GPC6: variants seen among roughly 807,000 people sequenced by gnomAD.
The protein encoded by GPC6 is glypican 6.
GPC6 carries 14 observed loss-of-function variants against 55.2 expected under a neutral mutation model. The observed-to-expected ratio is 0.25, with a 90% confidence interval of 0.17 to 0.40. The LOEUF is 0.40. Among genes scored for constraint, GPC6 ranks in the 10% least tolerant of loss-of-function variants. GPC6 has a pLI of 1.00. For synonymous variants in GPC6, 278 were observed against 259.6 expected, an observed-to-expected ratio of 1.07 and a Z score of -0.68; for missense variants, 641 against 708.5, an observed-to-expected ratio of 0.90 and a Z score of 1.08.
intron 3 of GPC6, among the ~76,000 whole-genome samples, chr13:93,911,268 C>G (rs998706555): frequency 6.6e-6 from 1 of 152,058 alleles, no homozygotes; most frequent in African/African-American, 2.4e-5. Context: ...TATGTATCTG[C>G]CAGACCTAAC....
At chr13:94,383,223 G>A (rs1880252309) in intron 7 of GPC6, among the ~76,000 whole-genome samples, 2 of 152,160 alleles carry the variant, frequency 1.3e-5, no homozygotes, top group Admixed American at 1.3e-4. Flanking sequence ...TGGGAGGACT[G>A]GTTGGGAGTT....
chr13:93,675,367 A>C (rs1296847710), intron 2 of GPC6, among the ~76,000 whole-genome samples: 1 of 152,060 alleles, frequency 6.6e-6, no homozygotes, highest in Non-Finnish European at 1.5e-5. Flanking sequence ...TTGACTTACA[A>C]ATTCGTGTTG....
intron 6 of GPC6, among the ~76,000 whole-genome samples, chr13:94,323,755 C>G (rs1412070431): frequency 6.6e-6 from 1 of 152,106 alleles, no homozygotes. Context: ...AGAAAAATCT[C>G]AAGAACATTT....
Position 94,117,111 on chromosome 13 carries a change from T to C in GPC6, c.877+89217T>C, listed in dbSNP as rs118116277. On this transcript the variant is annotated intron_variant, in intron 4 of 8. Coordinates refer to ENST00000377047, the MANE Select transcript of GPC6 (RefSeq NM_005708.5). ...CTTGTTAATTCCATAACAATCATTG[T>C]TCCTTACTTGGTATCCAACATAGCT... 7.8e-4 allele frequency among the ~76,000 whole-genome samples: 119 copies of C among 152,188 alleles called. 1 individual carries two copies. The highest frequency in any genetic ancestry group is 1.4e-3 in the Non-Finnish European group (93 of 67,972).
intron 2 of GPC6, among the ~76,000 whole-genome samples, chr13:93,745,100 C>T (rs973344844): frequency 1.3e-5 from 2 of 152,112 alleles, no homozygotes; most frequent in African/African-American, 4.8e-5. Context: ...CCTCCATTTA[C>T]ATGCAAATCC....
chr13:93,344,565 AT>A (rs1436642222), intron 1 of GPC6, among the ~76,000 whole-genome samples: 2 of 151,972 alleles, frequency 1.3e-5, no homozygotes, highest in Non-Finnish European at 2.9e-5. Flanking sequence ...CTCTTCATCC[AT>A]ATTGTGGTTT....
chr13:94,172,187 C>T (rs1254677377), intron 4 of GPC6, among the ~76,000 whole-genome samples: 1 of 151,880 alleles, frequency 6.6e-6, no homozygotes, highest in African/African-American at 2.4e-5. Context: ...ACCTGAGGAA[C>T]CTACCCACCA....
chr13:93,890,871 T>C (rs1875643235), intron 3 of GPC6, among the ~76,000 whole-genome samples: 1 of 151,974 alleles, frequency 6.6e-6, no homozygotes, highest in South Asian at 2.1e-4. Context: ...ATATTTGCCA[T>C]AGTTTATTAT....
At position 93,503,032 on chromosome 13, in the gene GPC6, C is replaced by T. The variant is rs146429215; in HGVS notation, c.161-42231C>T. Among the ~76,000 whole-genome samples the T allele has an allele frequency of 1.1e-4, 17 of 152,210 alleles. No homozygotes were observed. The East Asian group carries it at 3.3e-3, about 29-fold the overall frequency. On this transcript the variant is annotated intron_variant, in intron 1 of 8. Coordinates refer to ENST00000377047, the MANE Select transcript of GPC6 (RefSeq NM_005708.5). ...TATTGTAGATAAGGTTGCACTTTGG[C>T]AAAACTGTGAAGTAGATAGAAAATA...
chr13:94,324,243 C>T (rs903086032), intron 6 of GPC6, among the ~76,000 whole-genome samples: 7 of 149,990 alleles, frequency 4.7e-5, no homozygotes, highest in African/African-American at 1.7e-4. Context: ...TCTCCAGTGA[C>T]TGATTTCTGA....
chr13:93,283,555 A>AT (rs1314114928), intron 1 of GPC6, among the ~76,000 whole-genome samples: 1 of 152,164 alleles, frequency 6.6e-6, no homozygotes, highest in Non-Finnish European at 1.5e-5. Context: ...TTTGCTTGGA[A>AT]TGGTGGCATG....
At position 93,831,760 on chromosome 13, in the gene GPC6, A is replaced by G. The variant is rs533721167; in HGVS notation, c.711+1215A>G. Among the ~76,000 whole-genome samples the G allele has an allele frequency of 1.4e-3, 213 of 152,096 alleles. 1 individual carries two copies. The Middle Eastern group carries it at 0.02, about 15-fold the overall frequency. On this transcript the variant is annotated intron_variant, in intron 3 of 8. Transcript: ENST00000377047. Reference sequence around the variant, plus strand: ...CTGAAGGAAATAATTACAAGGGCTTATTTATCAATATAAAGGGCATATGAT... The same window carrying G: ...CTGAAGGAAATAATTACAAGGGCTTGTTTATCAATATAAAGGGCATATGAT...
At chr13:93,407,930 ATTG>A (rs1344270776) in intron 1 of GPC6, among the ~76,000 whole-genome samples, 1 of 152,112 alleles carries the variant, frequency 6.6e-6, no homozygotes, top group East Asian at 1.9e-4. Context: ...CACATGGAGG[ATTG>A]TTGTGTTGAG....
intron 2 of GPC6, among the ~76,000 whole-genome samples, chr13:93,547,174 CAAAAAAAA>C (rs55697128): frequency 0.029 from 3,742 of 129,024 alleles, 62 homozygotes; most frequent in Middle Eastern, 0.065. Context: ...ACTAAAAATA[CAAAAAAAA>C]AAAAAAAAAA....
intron 2 of GPC6, among the ~76,000 whole-genome samples, chr13:93,647,324 T>C (rs891851996): frequency 6.6e-6 from 1 of 152,212 alleles, no homozygotes; most frequent in Non-Finnish European, 1.5e-5. Context: ...ATACTTATTA[T>C]ATACCTTCTA....
chr13:93,553,365 T>G (rs1238173706), intron 2 of GPC6, among the ~76,000 whole-genome samples: 1 of 152,074 alleles, frequency 6.6e-6, no homozygotes, highest in East Asian at 1.9e-4. Flanking sequence ...GATATAACCA[T>G]GTCCTGATGG....
At chr13:93,748,031 G>A (rs1315353301) in intron 2 of GPC6, among the ~76,000 whole-genome samples, 1 of 152,138 alleles carries the variant, frequency 6.6e-6, no homozygotes, top group African/African-American at 2.4e-5. Context: ...TACAGTATTT[G>A]CTCGATGAAA....
At chr13:94,206,023 A>G (rs1017029437) in intron 4 of GPC6, among the ~76,000 whole-genome samples, 1 of 151,886 alleles carries the variant, frequency 6.6e-6, no homozygotes, top group Non-Finnish European at 1.5e-5. Context: ...CAAAGGACAG[A>G]GCAGACAAAG....
chr13:93,926,014 T>G (rs1334159945), intron 3 of GPC6, among the ~76,000 whole-genome samples: 6 of 152,198 alleles, frequency 3.9e-5, no homozygotes, highest in Non-Finnish European at 8.8e-5. Flanking sequence ...CTTGGGCATC[T>G]TCACAGCATG....
Sources: allele counts gnomAD v4.1 joint callset (sites outside exome capture counted in the v4.1 genomes callset), GRCh38; gene constraint gnomAD v4.1.1; transcripts MANE v1.5; gene names NCBI Gene and HGNC (gene_info 2026-07-23, HGNC 2026-07-21).